Variants in WFDC11 observed in about 807,000 individuals in gnomAD.
The protein encoded by WFDC11 is WAP four-disulfide core domain 11.
Under a neutral mutation model 9.9 loss-of-function variants are expected in WFDC11, and 9 were observed. That is an observed-to-expected ratio of 0.91 (90% CI 0.55 to 1.58). The LOEUF (loss-of-function observed/expected upper bound fraction) is 1.58, where lower values mean the gene tolerates loss of function less well. Ranked by LOEUF, WFDC11 falls within the 40% of genes most tolerant of loss-of-function variation. The probability of loss-of-function intolerance (pLI) is 0.00; values close to 1 mark genes in which losing one functional copy is unlikely to be tolerated. For missense variants in WFDC11, 106 were observed against 101.7 expected (o/e 1.04, Z -0.18); for synonymous variants, 32 against 33.3 (o/e 0.96, Z 0.13).
At chr20:45,659,375 T>C (rs893427793) in intron 2 of WFDC11, among the ~76,000 whole-genome samples, 3 of 152,184 alleles carry the variant, frequency 2.0e-5, no homozygotes, top group Non-Finnish European at 4.4e-5. Flanking sequence ...TAGCACCTGT[T>C]TTTTCCTGAC....
At position 45,649,350 on chromosome 20, in the gene WFDC11, T is replaced by C. The variant is rs1392173275; in HGVS notation, c.150A>G (p.Glu50=). 10 of 1,614,078 alleles carry C rather than the reference T, an allele frequency of 6.2e-6. No individual in the cohort carries two copies. The highest frequency in any genetic ancestry group is 8.5e-6 in the Non-Finnish European group (10 of 1,180,044). ...EECWGKPNVK[E]CTNKCSKAFR... Reference sequence around the variant, plus strand: ...AGGCTTTAGAACACTTATTGGTACATTCTTTGACATTTGGCTTTCCCCAGC... The same window carrying C: ...AGGCTTTAGAACACTTATTGGTACACTCTTTGACATTTGGCTTTCCCCAGC... The change falls in exon 4 of 5, where the codon GAA becomes GAG. Residue 50 remains glutamate, a synonymous_variant. Transcript: ENST00000324384.
At chr20:45,667,499 C>T (rs1375694479) in intron 1 of WFDC11, among the ~76,000 whole-genome samples, 1 of 152,090 alleles carries the variant, frequency 6.6e-6, no homozygotes, top group African/African-American at 2.4e-5. Flanking sequence ...GTGTGAGGAC[C>T]TTCATAAAGT....
chr20:45,652,216 G>C (rs1028964513), intron 2 of WFDC11, among the ~76,000 whole-genome samples: 1 of 152,164 alleles, frequency 6.6e-6, no homozygotes, highest in Non-Finnish European at 1.5e-5. Flanking sequence ...ACACAGCTGG[G>C]TACTCCTCTG....
chr20:45,649,005 A>G (rs1454069743), intron 4 of WFDC11, among the ~76,000 whole-genome samples: 2 of 152,224 alleles, frequency 1.3e-5, no homozygotes, highest in Non-Finnish European at 2.9e-5. Flanking sequence ...GAAAAATAGC[A>G]AACTATGGTG....
At chr20:45,664,841 C>A (rs1983154127) in intron 2 of WFDC11, among the ~76,000 whole-genome samples, 1 of 152,124 alleles carries the variant, frequency 6.6e-6, no homozygotes, top group Non-Finnish European at 1.5e-5. Context: ...TCTCTGGGTG[C>A]CCTTAACATT....
At chr20:45,664,963 C>A (rs1304290665) in intron 2 of WFDC11, among the ~76,000 whole-genome samples, 1 of 152,148 alleles carries the variant, frequency 6.6e-6, no homozygotes, top group Non-Finnish European at 1.5e-5. Context: ...TGTTGGCCTG[C>A]CTTGCTAGGT....
chr20:45,650,778 C>G, intron 2 of WFDC11, 127 bp from the exon 3 acceptor site: 1 of 538,058 alleles, frequency 1.9e-6, no homozygotes, highest in Non-Finnish European at 3.3e-6. Context: ...AACTGGCACA[C>G]CTAAGCTGAG....
chr20:45,662,264 A>G (rs1056361405), intron 2 of WFDC11, among the ~76,000 whole-genome samples: 12 of 152,162 alleles, frequency 7.9e-5, no homozygotes, highest in African/African-American at 2.9e-4. Context: ...TTGAACATTG[A>G]TTTTGTATCC....
chr20:45,660,758 A>G (rs145384062), intron 2 of WFDC11, among the ~76,000 whole-genome samples: 4,202 of 152,258 alleles, frequency 0.028, 213 homozygotes, highest in East Asian at 0.22. Flanking sequence ...ACCATTTTTT[A>G]TGGCTGCATA....
intron 2 of WFDC11, among the ~76,000 whole-genome samples, chr20:45,656,344 C>T (rs543904574): frequency 4.9e-4 from 75 of 152,266 alleles, no homozygotes; most frequent in African/African-American, 1.8e-3. Flanking sequence ...GAAAGGATTC[C>T]CTATTTAATA....
intron 2 of WFDC11, among the ~76,000 whole-genome samples, chr20:45,659,421 G>A (rs553281958): frequency 1.3e-5 from 2 of 152,282 alleles, no homozygotes; most frequent in Admixed American, 1.3e-4. Context: ...GCGTGAGATG[G>A]TATCTCATTG....
chr20:45,660,736 G>T (rs1983040171), intron 2 of WFDC11, among the ~76,000 whole-genome samples: 1 of 152,172 alleles, frequency 6.6e-6, no homozygotes, highest in Non-Finnish European at 1.5e-5. Flanking sequence ...TCCCTACAAA[G>T]GACATGAACT....
intron 2 of WFDC11, among the ~76,000 whole-genome samples, chr20:45,657,399 C>T: frequency 7.8e-6 from 1 of 128,994 alleles, no homozygotes. Flanking sequence ...CACATGGACA[C>T]AGGAAGGGGA....
At chr20:45,654,952 T>C (rs6017643) in intron 2 of WFDC11, among the ~76,000 whole-genome samples, 38,990 of 151,720 alleles carry the variant, frequency 0.26, 5,835 homozygotes, top group East Asian at 0.54. Flanking sequence ...AGCTTACCAA[T>C]CAAAAAAAGT....
intron 2 of WFDC11, among the ~76,000 whole-genome samples, chr20:45,661,848 G>C (rs1331965740): frequency 6.6e-6 from 1 of 150,760 alleles, no homozygotes; most frequent in Non-Finnish European, 1.5e-5. Context: ...AAGTCAGGTA[G>C]TGTGATGCCT....
chr20:45,665,835 G>C (rs1983177423), intron 2 of WFDC11, among the ~76,000 whole-genome samples: 1 of 152,122 alleles, frequency 6.6e-6, no homozygotes, highest in South Asian at 2.1e-4. Flanking sequence ...GTGTCTGTCG[G>C]CCCCTACTGG....
rs886337115 is a variant in WFDC11, at chr20:45,649,321, C to A, written c.179G>T (p.Arg60Ile). ...ECTNKCSKAF[R>I]CKDKNYTCCW... is the part of the protein sequence containing the mutation. ...GCATGTGTAATTTTTGTCTTTACAT[C>A]TAAAGGCTTTAGAACACTTATTGGT... Residue 60 changes from arginine (R) to isoleucine (I), a missense_variant, in exon 4 of 5, where the codon AGA (arginine) becomes ATA (isoleucine). Transcript: ENST00000324384. 6.2e-7 allele frequency: 1 copy of A among 1,614,172 alleles called. No homozygotes were observed. The highest frequency in any genetic ancestry group is 8.5e-7 in the Non-Finnish European group (1 of 1,180,020).
chr20:45,656,228 A>AAC (rs1982928014), intron 2 of WFDC11, among the ~76,000 whole-genome samples: 1 of 151,986 alleles, frequency 6.6e-6, no homozygotes, highest in South Asian at 2.1e-4. Flanking sequence ...ACTGGTAAAA[A>AAC]AAAACAGAGA....
intron 2 of WFDC11, among the ~76,000 whole-genome samples, chr20:45,652,284 C>T (rs1254574856): frequency 2.0e-5 from 3 of 152,212 alleles, no homozygotes; most frequent in Non-Finnish European, 4.4e-5. Flanking sequence ...CCAATCTCCG[C>T]TGTTGTGCAG....
Sources: gnomAD v4.1 joint callset for allele counts (sites outside exome capture counted in the v4.1 genomes callset) on GRCh38, gnomAD v4.1.1 for gene constraint, MANE v1.5 for transcripts, NCBI Gene and HGNC (gene_info 2026-07-23, HGNC 2026-07-21) for gene names.